The following MAGI2 variants were observed in gnomAD, a reference collection of about 807,000 sequenced individuals.
MAGI2 encodes membrane associated guanylate kinase, WW and PDZ domain containing 2, also known as membrane-associated guanylate kinase, WW and PDZ domain-containing protein 2.
A neutral mutation model predicts 133.3 loss-of-function variants in MAGI2; 35 were observed. That is an observed-to-expected ratio of 0.26 (90% confidence interval 0.20 to 0.35). The LOEUF is 0.35. MAGI2 is among the 10% of genes least tolerant of loss of function. The probability of loss-of-function intolerance (pLI) is 1.00; values close to 1 mark genes in which losing one functional copy is unlikely to be tolerated. For missense variants in MAGI2, 1,636 were observed against 1,863.4 expected, an observed-to-expected ratio of 0.88 and a Z score of 2.25; for synonymous variants, 729 against 710.6, an observed-to-expected ratio of 1.03 and a Z score of -0.41.
chr7:78,682,939 T>C (rs1471877189), intron 2 of MAGI2, among the ~76,000 whole-genome samples: 1 of 152,238 alleles, frequency 6.6e-6, no homozygotes, highest in Admixed American at 6.5e-5. Context: ...TTAAATATTC[T>C]TTTCAACCAC....
chr7:78,629,313 C>T (rs1393772457), intron 2 of MAGI2, among the ~76,000 whole-genome samples: 1 of 152,182 alleles, frequency 6.6e-6, no homozygotes, highest in African/African-American at 2.4e-5. Context: ...ACTGGCAGTT[C>T]ACCTACCTCA....
chr7:78,475,411 G>C (rs972139047), intron 6 of MAGI2, among the ~76,000 whole-genome samples: 1 of 151,876 alleles, frequency 6.6e-6, no homozygotes, highest in Non-Finnish European at 1.5e-5. Context: ...AGTTTTAAGA[G>C]AACATATTTT....
intron 1 of MAGI2, among the ~76,000 whole-genome samples, chr7:79,331,935 T>G (rs1161856216): frequency 7.4e-6 from 1 of 134,424 alleles, no homozygotes; most frequent in East Asian, 2.1e-4. Flanking sequence ...ACCCTAAAAC[T>G]TAAAGTATAA....
chr7:78,331,211 A>C (rs1247727301), intron 9 of MAGI2, among the ~76,000 whole-genome samples: 2 of 152,182 alleles, frequency 1.3e-5, no homozygotes, highest in African/African-American at 2.4e-5. Context: ...GGACTACTAG[A>C]GTGGGGACAG....
intron 6 of MAGI2, among the ~76,000 whole-genome samples, chr7:78,417,494 T>C (rs1342682616): frequency 6.6e-6 from 1 of 152,102 alleles, no homozygotes. Context: ...AATCTTTTAC[T>C]TAGTAACTAT....
chr7:79,400,575 A>T (rs974412360), intron 1 of MAGI2, among the ~76,000 whole-genome samples: 1 of 152,192 alleles, frequency 6.6e-6, no homozygotes, highest in African/African-American at 2.4e-5. Flanking sequence ...GCAAACTGCA[A>T]TGATTAATAT....
At chr7:78,838,997 C>A (rs1014490317) in intron 2 of MAGI2, among the ~76,000 whole-genome samples, 2 of 151,926 alleles carry the variant, frequency 1.3e-5, no homozygotes, top group African/African-American at 4.8e-5. Flanking sequence ...TGAAAGTCAT[C>A]CAGCTTTCTT....
intron 7 of MAGI2, among the ~76,000 whole-genome samples, chr7:78,347,767 A>T (rs983902101): frequency 2.0e-5 from 3 of 152,192 alleles, no homozygotes; most frequent in Admixed American, 2.0e-4. Context: ...AATGAAACTC[A>T]TTTGTAAGAG....
intron 2 of MAGI2, among the ~76,000 whole-genome samples, chr7:78,834,801 G>T (rs1379603170): frequency 1.3e-5 from 2 of 152,184 alleles, no homozygotes; most frequent in African/African-American, 4.8e-5. Flanking sequence ...ATCCCTTATG[G>T]CTTGGTGCTG....
At chr7:79,172,598 A>G (rs1168359622) in intron 1 of MAGI2, among the ~76,000 whole-genome samples, 1 of 152,084 alleles carries the variant, frequency 6.6e-6, no homozygotes, top group Non-Finnish European at 1.5e-5. Flanking sequence ...AATATGCTCT[A>G]TGATTTTATA....
chr7:78,593,766 T>C (rs1036149710), intron 3 of MAGI2, among the ~76,000 whole-genome samples: 2 of 152,168 alleles, frequency 1.3e-5, no homozygotes, highest in Admixed American at 6.5e-5. Context: ...TTTTCATACA[T>C]TGGCATTTAA....
intron 1 of MAGI2, among the ~76,000 whole-genome samples, chr7:79,365,180 A>G (rs959596105): frequency 6.6e-6 from 1 of 152,238 alleles, no homozygotes; most frequent in Non-Finnish European, 1.5e-5. Flanking sequence ...TTAAATTCAC[A>G]ATGAGCTATC....
At chr7:78,641,096 A>T (rs777374901) in intron 2 of MAGI2, among the ~76,000 whole-genome samples, 9 of 152,136 alleles carry the variant, frequency 5.9e-5, no homozygotes, top group Non-Finnish European at 8.8e-5. Flanking sequence ...GAAGAAGGAC[A>T]TGTTTGCTTC....
chr7:78,247,580 AT>A (rs879620536), intron 10 of MAGI2, among the ~76,000 whole-genome samples: 1 of 152,232 alleles, frequency 6.6e-6, no homozygotes, highest in Non-Finnish European at 1.5e-5. Flanking sequence ...TCAAAGAGAA[AT>A]TTAACAAAGA....
chr7:78,314,959 T>A (rs898709837), intron 9 of MAGI2, among the ~76,000 whole-genome samples: 2 of 152,158 alleles, frequency 1.3e-5, no homozygotes, highest in African/African-American at 4.8e-5. Context: ...GTGGACTTTA[T>A]CCAGTTTGCA....
rs147406567 is a variant in MAGI2, at chr7:78,866,305, G to A, written c.418+140785C>T. On this transcript the variant is annotated intron_variant, in intron 2 of 21. Coordinates refer to ENST00000354212, the MANE Select transcript of MAGI2 (RefSeq NM_012301.4). Reference sequence around the variant, plus strand: ...AATGGGAAGGAAGTCCAGATATGGGGAGGGCCATGTAACTTCTCATCTAAA... The same window carrying A: ...AATGGGAAGGAAGTCCAGATATGGGAAGGGCCATGTAACTTCTCATCTAAA... 7.7e-3 allele frequency among the ~76,000 whole-genome samples: 1,171 copies of A among 152,218 alleles called. 20 individuals are homozygous for A. Among genetic ancestry groups the A allele is most frequent in the African/African-American group, 0.027 (1,106 of 41,510 alleles).
chr7:78,042,892 G>A (rs12705199), intron 21 of MAGI2, among the ~76,000 whole-genome samples: 34,562 of 152,058 alleles, frequency 0.23, 4,131 homozygotes, highest in Non-Finnish European at 0.27. Flanking sequence ...CAGACCCCAC[G>A]ACTCAGGGCT....
intron 3 of MAGI2, among the ~76,000 whole-genome samples, chr7:78,557,711 T>C (rs879488946): frequency 1.3e-5 from 2 of 152,108 alleles, no homozygotes; most frequent in Non-Finnish European, 1.5e-5. Context: ...GGAACAAAAG[T>C]TTTCTTGTTA....
At chr7:78,427,539 T>G (rs1799395849) in intron 6 of MAGI2, among the ~76,000 whole-genome samples, 1 of 152,098 alleles carries the variant, frequency 6.6e-6, no homozygotes, top group East Asian at 1.9e-4. Flanking sequence ...TGCATTTGTA[T>G]ATGCCTTATA....
Sources: allele counts gnomAD v4.1 joint callset (sites outside exome capture counted in the v4.1 genomes callset), GRCh38; gene constraint gnomAD v4.1.1; transcripts MANE v1.5; gene names NCBI Gene and HGNC (gene_info 2026-07-23, HGNC 2026-07-21).